TBC1D19: variants seen among roughly 807,000 people sequenced by gnomAD.
The protein encoded by TBC1D19 is TBC1 domain family member 19.
A neutral mutation model predicts 89.0 loss-of-function variants in TBC1D19; 60 were observed. That is an observed-to-expected ratio of 0.67 (90% confidence interval 0.55 to 0.84). TBC1D19 has a LOEUF of 0.84. Among genes scored for constraint, TBC1D19 ranks in the 40% least tolerant of loss-of-function variants. TBC1D19 has a pLI of 0.00. For missense variants in TBC1D19, 500 were observed against 610.8 expected, an observed-to-expected ratio of 0.82 and a Z score of 1.91; for synonymous variants, 189 against 199.7, an observed-to-expected ratio of 0.95 and a Z score of 0.45.
Position 26,700,549 on chromosome 4 carries a change from A to G in TBC1D19, c.954+12142A>G, listed in dbSNP as rs556688823. ...ATGTAGATATCAGAGGTACAAAAAA[A>G]AAGTTTGTATGATTTGCCATAAAAG... is the stretch of plus-strand genomic sequence containing the variant. On this transcript the variant is annotated intron_variant, in intron 13 of 20. Transcript: ENST00000264866. Among the ~76,000 whole-genome samples the G allele has an allele frequency of 7.5e-4, 114 of 152,314 alleles. 1 individual carries two copies. The highest frequency in any genetic ancestry group is 2.5e-3 in the African/African-American group (102 of 41,572).
intron 3 of TBC1D19, among the ~76,000 whole-genome samples, chr4:26,618,412 T>G (rs1016971852): frequency 2.0e-5 from 3 of 152,122 alleles, no homozygotes; most frequent in African/African-American, 7.2e-5. Context: ...CAGAAGGGAA[T>G]AGCAGGCTCA....
the TBC1D19 span, among the ~76,000 whole-genome samples, chr4:26,831,124 T>TC: frequency 6.6e-6 from 1 of 151,962 alleles, no homozygotes; most frequent in Non-Finnish European, 1.5e-5. Context: ...GCCTAAGGTT[T>TC]TCTCTAGGGA....
At chr4:26,706,460 G>T (rs1306567945) in intron 13 of TBC1D19, among the ~76,000 whole-genome samples, 1 of 151,656 alleles carries the variant, frequency 6.6e-6, no homozygotes, top group Non-Finnish European at 1.5e-5. Flanking sequence ...TAATTTTGTT[G>T]AACTTTTTGA....
intron 4 of TBC1D19, among the ~76,000 whole-genome samples, chr4:26,627,351 T>C (rs899055732): frequency 3.5e-4 from 53 of 152,298 alleles, no homozygotes; most frequent in Middle Eastern, 3.4e-3. Flanking sequence ...AATAAACATA[T>C]GTGTGCATGT....
chr4:26,752,751 G>T (rs1360595996), intron 19 of TBC1D19, among the ~76,000 whole-genome samples: 2 of 152,114 alleles, frequency 1.3e-5, no homozygotes, highest in Non-Finnish European at 2.9e-5. Context: ...TTTATGGTAG[G>T]TTATATAAGT....
chr4:26,758,189 G>T (rs551080916), downstream of TBC1D19, among the ~76,000 whole-genome samples: 8 of 152,190 alleles, frequency 5.3e-5, no homozygotes, highest in South Asian at 1.4e-3. Flanking sequence ...GATGCTTATA[G>T]TATTAAGTGA....
intron 13 of TBC1D19, among the ~76,000 whole-genome samples, chr4:26,709,902 G>C (rs1013155798): frequency 3.3e-5 from 5 of 151,944 alleles, no homozygotes; most frequent in Admixed American, 2.6e-4. Context: ...TTTTATAGAT[G>C]AAGAAGCAGA....
rs770176902 is a variant in TBC1D19 at position 26,735,457 on chromosome 4, G to A, written c.1087G>A (p.Val363Ile). The change falls in exon 16 of 21, where the codon GTT becomes ATT. Residue 363 changes from valine to isoleucine, a missense_variant and splice_region_variant. Transcript: ENST00000264866. ...EYAVFYPPNG[V>I]IPFHGFSMYV... ...AAGAAATACCTTTTTTTTTTTAGGT[G>A]TTATCCCTTTTCATGGATTTTCAAT... is the stretch of plus-strand genomic sequence containing the variant. The A allele has an allele frequency of 4.6e-5, 71 of 1,529,266 alleles. No homozygotes were observed. The highest frequency in any genetic ancestry group is 5.7e-5 in the Non-Finnish European group (65 of 1,133,962). 94.7% of individuals were successfully genotyped at this position (1,529,266 alleles called of 1,614,324 possible).
chr4:26,821,642 A>G, the TBC1D19 span, among the ~76,000 whole-genome samples: 1 of 152,216 alleles, frequency 6.6e-6, no homozygotes, highest in Non-Finnish European at 1.5e-5. Context: ...AGACTGGAGA[A>G]AGGTCTCCCT....
At chr4:26,726,766 G>A (rs754211906) in intron 15 of TBC1D19, among the ~76,000 whole-genome samples, 2 of 152,166 alleles carry the variant, frequency 1.3e-5, no homozygotes, top group Non-Finnish European at 2.9e-5. Context: ...AATCAGATAG[G>A]CGAGTTACGG....
chr4:26,619,207 CTTTT>C (rs780946990), intron 3 of TBC1D19, among the ~76,000 whole-genome samples: 1 of 139,740 alleles, frequency 7.2e-6, no homozygotes. Flanking sequence ...TCCTAAATTT[CTTTT>C]TTTTTTTTTT....
chr4:26,761,685 CT>C, the TBC1D19 span, among the ~76,000 whole-genome samples: 1 of 151,240 alleles, frequency 6.6e-6, no homozygotes, highest in Admixed American at 6.6e-5. Flanking sequence ...GCTTTTTTTT[CT>C]TTTCTTATGC....
At chr4:26,599,447 C>G (rs1231999063) in intron 1 of TBC1D19, among the ~76,000 whole-genome samples, 3 of 152,136 alleles carry the variant, frequency 2.0e-5, no homozygotes, top group Non-Finnish European at 4.4e-5. Context: ...TAAAATCACA[C>G]AGAATATTTC....
chr4:26,824,041 T>A, the TBC1D19 span, among the ~76,000 whole-genome samples: 1 of 152,160 alleles, frequency 6.6e-6, no homozygotes, highest in Non-Finnish European at 1.5e-5. Flanking sequence ...CAGGGATGGG[T>A]GCATGATCCC....
At chr4:26,737,055 A>T (rs1433093453) in intron 16 of TBC1D19, among the ~76,000 whole-genome samples, 1 of 152,188 alleles carries the variant, frequency 6.6e-6, no homozygotes, top group African/African-American at 2.4e-5. Context: ...TTGCCTTTGT[A>T]CCAAGAATCT....
At chr4:26,700,658 A>G (rs542474879) in intron 13 of TBC1D19, among the ~76,000 whole-genome samples, 13 of 152,280 alleles carry the variant, frequency 8.5e-5, no homozygotes, top group African/African-American at 3.1e-4. Context: ...TTTTATCTCA[A>G]GAGTTATTAG....
chr4:26,670,809 T>C (rs972038490), intron 9 of TBC1D19, among the ~76,000 whole-genome samples: 16 of 151,744 alleles, frequency 1.1e-4, no homozygotes, highest in Non-Finnish European at 3.0e-5. Context: ...TTTATAGAAA[T>C]GAAATCATAT....
chr4:26,838,244 T>G, the TBC1D19 span, among the ~76,000 whole-genome samples: 2 of 152,178 alleles, frequency 1.3e-5, no homozygotes, highest in Non-Finnish European at 2.9e-5. Flanking sequence ...GTTGGACGTA[T>G]GTATACGAAG....
intron 4 of TBC1D19, among the ~76,000 whole-genome samples, chr4:26,635,316 G>T (rs1294346348): frequency 6.6e-6 from 1 of 152,054 alleles, no homozygotes; most frequent in Admixed American, 6.6e-5. Context: ...AATAAGGTGG[G>T]TGTAAAGATA....
Sources: gnomAD v4.1 joint callset for allele counts (sites outside exome capture counted in the v4.1 genomes callset) on GRCh38, gnomAD v4.1.1 for gene constraint, MANE v1.5 for transcripts, NCBI Gene and HGNC (gene_info 2026-07-23, HGNC 2026-07-21) for gene names.